VCL: variants seen among roughly 807,000 people sequenced by gnomAD.
VCL encodes epididymis luminal protein 114.
VCL carries 47 observed loss-of-function variants against 125.7 expected under a neutral mutation model. The observed-to-expected ratio is 0.37, with a 90% CI of 0.30 to 0.48. VCL has a LOEUF of 0.48. VCL is among the 20% of genes least tolerant of loss of function. The pLI is 0.99. For missense variants in VCL, 1,069 were observed against 1,455.5 expected, an observed-to-expected ratio of 0.73 and a Z score of 4.32; for synonymous variants, 458 against 514.6, an observed-to-expected ratio of 0.89 and a Z score of 1.49.
At chr10:74,064,155 G>A (rs1448989414) in intron 2 of VCL, among the ~76,000 whole-genome samples, 1 of 152,134 alleles carries the variant, frequency 6.6e-6, no homozygotes. Flanking sequence ...ATAACTCACA[G>A]AAATACTTTA....
intron 15 of VCL, 134 bp downstream of exon 15, chr10:74,104,062 C>T (rs994660741): frequency 3.5e-6 from 3 of 846,092 alleles, no homozygotes; most frequent in Non-Finnish European, 5.7e-6. Flanking sequence ...GTACTTGGCT[C>T]TGCTTAAGGC....
intron 6 of VCL, among the ~76,000 whole-genome samples, chr10:74,080,164 C>T (rs1444851525): frequency 6.6e-6 from 1 of 152,124 alleles, no homozygotes; most frequent in African/African-American, 2.4e-5. Context: ...AGAATAAAAG[C>T]AGTCATTTTT....
chr10:74,091,570 C>T (rs1056805790), intron 10 of VCL, among the ~76,000 whole-genome samples: 1 of 151,830 alleles, frequency 6.6e-6, no homozygotes, highest in Non-Finnish European at 1.5e-5. Flanking sequence ...CACTTGAGGT[C>T]AGGAATTCAA....
At chr10:74,115,008 A>G in intron 21 of VCL, 109 bp downstream of exon 21, 1 of 1,029,548 alleles carries the variant, frequency 9.7e-7, no homozygotes, top group Non-Finnish European at 1.5e-6. Flanking sequence ...TCGAGTATTC[A>G]GTATGTGGGA....
intron 6 of VCL, among the ~76,000 whole-genome samples, chr10:74,078,926 G>A (rs1263827215): frequency 1.3e-5 from 2 of 152,134 alleles, no homozygotes; most frequent in East Asian, 3.8e-4. Context: ...ATGGTGGGCA[G>A]TCATGGAGAG....
intron 5 of VCL, 122 bp from the exon 6 acceptor site, chr10:74,074,621 T>C (rs1839551776): frequency 9.2e-7 from 1 of 1,089,738 alleles, no homozygotes; most frequent in African/African-American, 1.6e-5. Flanking sequence ...AGTGTTTGTT[T>C]TGTATACTCA....
intron 2 of VCL, among the ~76,000 whole-genome samples, chr10:74,064,776 A>G (rs1591682716): frequency 6.6e-6 from 1 of 152,194 alleles, no homozygotes; most frequent in East Asian, 1.9e-4. Flanking sequence ...TGGATCACTC[A>G]TTCTTTTTAA....
intron 2 of VCL, among the ~76,000 whole-genome samples, chr10:74,045,276 T>C (rs1156753228): frequency 6.6e-6 from 1 of 150,712 alleles, no homozygotes; most frequent in Non-Finnish European, 1.5e-5. Flanking sequence ...GATAGATAGA[T>C]AGATAGATAG....
chr10:74,104,794 G>C, intron 15 of VCL: 1 of 510,890 alleles, frequency 2.0e-6, no homozygotes, highest in Non-Finnish European at 3.5e-6. Context: ...CTGGTTGTCT[G>C]GGGTGGATAC....
intron 18 of VCL, among the ~76,000 whole-genome samples, chr10:74,111,353 C>T (rs1591717678): frequency 1.3e-5 from 2 of 152,254 alleles, no homozygotes; most frequent in African/African-American, 4.8e-5. Flanking sequence ...GGACTTTTAA[C>T]TCATGAAGGA....
intron 2 of VCL, among the ~76,000 whole-genome samples, chr10:74,055,302 A>G (rs929670455): frequency 6.6e-6 from 1 of 152,146 alleles, no homozygotes; most frequent in African/African-American, 2.4e-5. Context: ...TCTATTTCAA[A>G]CAAACAAACA....
At chr10:74,035,657 G>GA (rs1840960709) in intron 1 of VCL, among the ~76,000 whole-genome samples, 1 of 152,098 alleles carries the variant, frequency 6.6e-6, no homozygotes, top group South Asian at 2.1e-4. Context: ...CTCTGAAGAA[G>GA]AAAATAAAAG....
chr10:74,034,504 C>CA (rs1432627676), intron 1 of VCL, among the ~76,000 whole-genome samples: 2 of 152,184 alleles, frequency 1.3e-5, no homozygotes, highest in South Asian at 2.1e-4. Context: ...CTACGCAGAG[C>CA]AGAAACTTGG....
At chr10:74,028,665 G>A (rs1022732748) in intron 1 of VCL, among the ~76,000 whole-genome samples, 1 of 152,058 alleles carries the variant, frequency 6.6e-6, no homozygotes, top group African/African-American at 2.4e-5. Flanking sequence ...CCAAAGTGCT[G>A]GGATTACAGG....
At chr10:74,073,447 T>G in intron 5 of VCL, among the ~76,000 whole-genome samples, 1 of 152,354 alleles carries the variant, frequency 6.6e-6, no homozygotes, top group South Asian at 2.1e-4. Context: ...GCCCCTTTGC[T>G]GGGAGGTGGA....
intron 15 of VCL, among the ~76,000 whole-genome samples, chr10:74,104,406 G>A (rs926142878): frequency 6.6e-6 from 1 of 152,094 alleles, no homozygotes; most frequent in African/African-American, 2.4e-5. Flanking sequence ...CCAACCACCA[G>A]CAAACCTGTG....
chr10:74,106,312 T>C (rs914682317), intron 16 of VCL, among the ~76,000 whole-genome samples: 7 of 152,252 alleles, frequency 4.6e-5, no homozygotes, highest in African/African-American at 1.4e-4. Flanking sequence ...ACCATCCATT[T>C]AGTTTATGTA....
intron 1 of VCL, among the ~76,000 whole-genome samples, chr10:74,036,881 T>C (rs1480081859): frequency 1.3e-5 from 2 of 152,026 alleles, no homozygotes; most frequent in Middle Eastern, 3.4e-3. Context: ...AATTAATCCC[T>C]TTCTTGTTTG....
At chr10:74,010,484 A>G (rs905344838) in intron 1 of VCL, among the ~76,000 whole-genome samples, 6 of 152,118 alleles carry the variant, frequency 3.9e-5, no homozygotes, top group African/African-American at 1.4e-4. Flanking sequence ...ATCTATCTTT[A>G]TTTGCAATCT....
Sources: allele counts gnomAD v4.1 joint callset (sites outside exome capture counted in the v4.1 genomes callset), GRCh38; gene constraint gnomAD v4.1.1; transcripts MANE v1.5; gene names NCBI Gene and HGNC (gene_info 2026-07-23, HGNC 2026-07-21).